Variants in ATP13A4 observed in about 807,000 individuals in gnomAD.
ATP13A4 encodes probable cation-transporting ATPase 13A4.
A neutral mutation model predicts 142.5 loss-of-function variants in ATP13A4; 114 were observed. That is an observed-to-expected ratio of 0.80 (90% CI 0.69 to 0.93). The LOEUF is 0.93. Among genes scored for constraint, ATP13A4 ranks in the 40% least tolerant of loss-of-function variants. The pLI is 0.00. For synonymous variants in ATP13A4, 488 were observed against 514.8 expected (o/e 0.95, Z 0.70); for missense variants, 1,392 against 1,454.0 (o/e 0.96, Z 0.69).
chr3:193,452,253 C>T (rs1022758285), intron 17 of ATP13A4, among the ~76,000 whole-genome samples: 1 of 152,204 alleles, frequency 6.6e-6, no homozygotes, highest in African/African-American at 2.4e-5. Context: ...TCTGTCCCTT[C>T]CCTTCCCTGG....
At chr3:193,556,409 G>C (rs1723890586), upstream of ATP13A4, among the ~76,000 whole-genome samples, 1 of 151,882 alleles carries the variant, frequency 6.6e-6, no homozygotes, top group African/African-American at 2.4e-5. Flanking sequence ...TGAGCAAATA[G>C]TGAAGTATAG....
chr3:193,505,707 C>T (rs776131588), intron 2 of ATP13A4, among the ~76,000 whole-genome samples: 8 of 152,118 alleles, frequency 5.3e-5, no homozygotes, highest in Non-Finnish European at 8.8e-5. Context: ...GTATACTACC[C>T]TGTTGAGGAC....
intron 25 of ATP13A4, among the ~76,000 whole-genome samples, chr3:193,419,432 T>C (rs558117918): frequency 6.7e-6 from 1 of 150,166 alleles, no homozygotes; most frequent in Non-Finnish European, 1.5e-5. Flanking sequence ...TGTAGTGTCT[T>C]GCCTTCTGGG....
In ATP13A4 at chr3:193,477,370, A is replaced by G. The variant is rs112383360; in HGVS notation, c.809-6377T>C. Among the ~76,000 whole-genome samples the G allele has an allele frequency of 7.1e-3, 1,085 of 152,218 alleles. 4 individuals carry two copies. The highest frequency in any genetic ancestry group is 0.01 in the Non-Finnish European group (712 of 68,030). ...AAAAAGATTCATTAAGTTGATAATT[A>G]TTTAATCTGTGTGATAGGTACGTGA... On this transcript the variant is annotated intron_variant, in intron 8 of 29. Coordinates refer to ENST00000342695, the MANE Select transcript of ATP13A4 (RefSeq NM_032279.4).
rs548874827 is a variant in ATP13A4 at position 193,425,885 on chromosome 3, C to CA, written c.2842+7959dup. ...AAGAGAATTCTGAATGTTCTCACTA[C>CA]AAAAAATGATAAATGTGCAAAGTGA... On this transcript the variant is annotated intron_variant, in intron 25 of 29. Coordinates refer to ENST00000342695, the MANE Select transcript of ATP13A4 (RefSeq NM_032279.4). 7.9e-5 allele frequency among the ~76,000 whole-genome samples: 12 copies of CA among 151,760 alleles called. No homozygotes were observed. In the South Asian group the frequency reaches 2.5e-3, roughly 31 times the overall value.
At chr3:193,499,623 G>A (rs6803383) in intron 3 of ATP13A4, among the ~76,000 whole-genome samples, 20,066 of 152,124 alleles carry the variant, frequency 0.13, 1,638 homozygotes, top group East Asian at 0.24. Flanking sequence ...TCATATTCAA[G>A]CTAGTCCCAA....
Position 193,489,914 on chromosome 3 carries a change from C to T in ATP13A4, c.604-50G>A, listed in dbSNP as rs141151357. The T allele has an allele frequency of 2.4e-5, 38 of 1,568,740 alleles. No homozygotes were observed. The African/African-American group carries it at 4.3e-4, about 18-fold the overall frequency. On this transcript the variant is annotated intron_variant, in intron 6 of 29. Coordinates refer to ENST00000342695, the MANE Select transcript of ATP13A4 (RefSeq NM_032279.4). The stretch of plus-strand genomic sequence containing the variant: ...AGACAAGGGAGAGTTTTAGGCTTCA[C>T]TCTGCTCTTCATTTACTTGTTTTCA...
intron 2 of ATP13A4, among the ~76,000 whole-genome samples, chr3:193,509,278 G>T (rs763660867): frequency 6.6e-6 from 1 of 152,122 alleles, no homozygotes; most frequent in African/African-American, 2.4e-5. Flanking sequence ...CCATAACCTG[G>T]AGCCTTTCCT....
At chr3:193,528,298 G>A (rs1384210502) in intron 1 of ATP13A4, among the ~76,000 whole-genome samples, 1 of 152,190 alleles carries the variant, frequency 6.6e-6, no homozygotes, top group Non-Finnish European at 1.5e-5. Context: ...GAATTATCCA[G>A]TGTGCGAAGA....
chr3:193,513,538 G>A (rs1355062118), intron 2 of ATP13A4, among the ~76,000 whole-genome samples: 2 of 152,126 alleles, frequency 1.3e-5, no homozygotes, highest in African/African-American at 2.4e-5. Flanking sequence ...TAACAGAATC[G>A]CTACCACATG....
At chr3:193,582,194 G>A (rs1166053557) in intron 1 of ATP13A4, among the ~76,000 whole-genome samples, 1 of 145,718 alleles carries the variant, frequency 6.9e-6, no homozygotes, top group African/African-American at 2.5e-5. Context: ...TGTGGCCCAG[G>A]CTGGAGTGCA....
intron 1 of ATP13A4, among the ~76,000 whole-genome samples, chr3:193,545,188 T>C (rs1419842474): frequency 6.6e-6 from 1 of 152,182 alleles, no homozygotes; most frequent in Non-Finnish European, 1.5e-5. Context: ...TTTCACAATA[T>C]TATCTTCTAA....
intron 1 of ATP13A4, among the ~76,000 whole-genome samples, chr3:193,540,886 ATTC>A (rs1722859125): frequency 6.6e-6 from 1 of 152,192 alleles, no homozygotes; most frequent in South Asian, 2.1e-4. Flanking sequence ...CATCATTGTG[ATTC>A]TTCTTTTACA....
intron 1 of ATP13A4, among the ~76,000 whole-genome samples, chr3:193,590,317 C>T (rs965097180): frequency 3.3e-5 from 5 of 151,744 alleles, no homozygotes; most frequent in Admixed American, 1.3e-4. Flanking sequence ...CACCTCTGGG[C>T]GGGGCCACAG....
intron 11 of ATP13A4, 23 bp downstream of exon 11, chr3:193,466,002 A>G: frequency 6.2e-7 from 1 of 1,612,376 alleles, no homozygotes; most frequent in East Asian, 2.2e-5. Flanking sequence ...TGTGCATTTA[A>G]TAAAAGAGCA....
intron 8 of ATP13A4, among the ~76,000 whole-genome samples, chr3:193,476,624 T>C (rs1441279634): frequency 1.3e-5 from 2 of 152,122 alleles, no homozygotes; most frequent in Non-Finnish European, 2.9e-5. Flanking sequence ...TCAACATGTC[T>C]TCCTCACTAA....
chr3:193,534,843 T>C (rs1182160732), intron 1 of ATP13A4, among the ~76,000 whole-genome samples: 4 of 151,772 alleles, frequency 2.6e-5, no homozygotes, highest in African/African-American at 9.7e-5. Flanking sequence ...TCAAATTTGG[T>C]AAAAGACATA....
At chr3:193,427,484 A>T (rs9873286) in intron 25 of ATP13A4, among the ~76,000 whole-genome samples, 1 of 151,956 alleles carries the variant, frequency 6.6e-6, no homozygotes, top group Non-Finnish European at 1.5e-5. Context: ...AAAAGAGCCC[A>T]CATTGCCAAG....
At chr3:193,454,429 TA>T (rs950111145) in intron 16 of ATP13A4, among the ~76,000 whole-genome samples, 6 of 151,964 alleles carry the variant, frequency 3.9e-5, no homozygotes, top group Non-Finnish European at 5.9e-5. Context: ...TTGAAAAACT[TA>T]AAAAAAAGAT....
Sources: allele counts gnomAD v4.1 joint callset (sites outside exome capture counted in the v4.1 genomes callset), GRCh38; gene constraint gnomAD v4.1.1; transcripts MANE v1.5; gene names NCBI Gene and HGNC (gene_info 2026-07-23, HGNC 2026-07-21).